PTPRD: variants seen among roughly 807,000 people sequenced by gnomAD.
PTPRD encodes protein tyrosine phosphatase receptor type D.
A neutral mutation model predicts 214.5 loss-of-function variants in PTPRD; 34 were observed. That is an observed-to-expected ratio of 0.16 (90% CI 0.12 to 0.21). The LOEUF is 0.21. PTPRD is among the 10% of genes least tolerant of loss of function. The pLI is 1.00. For synonymous variants in PTPRD, 1,128 were observed against 845.7 expected (o/e 1.33, Z -5.79); for missense variants, 2,545 against 2,398.7 (o/e 1.06, Z -1.27).
chr9:8,432,454 C>T (rs113453796), intron 35 of PTPRD, among the ~76,000 whole-genome samples: 2 of 152,108 alleles, frequency 1.3e-5, no homozygotes, highest in African/African-American at 2.4e-5. Context: ...GTATTCTGAC[C>T]TCAGGATCAG....
At chr9:8,626,279 G>A (rs963055488) in intron 14 of PTPRD, among the ~76,000 whole-genome samples, 1 of 151,778 alleles carries the variant, frequency 6.6e-6, no homozygotes, top group Admixed American at 6.6e-5. Context: ...TTTAAGTGAA[G>A]TATTTTAGTA....
intron 7 of PTPRD, among the ~76,000 whole-genome samples, chr9:9,633,115 T>C (rs989672938): frequency 6.6e-6 from 1 of 151,954 alleles, no homozygotes; most frequent in Non-Finnish European, 1.5e-5. Flanking sequence ...GCCAACATGG[T>C]GAAATCCTGT....
chr9:9,219,823 T>A (rs1231765504), intron 9 of PTPRD, among the ~76,000 whole-genome samples: 1 of 152,180 alleles, frequency 6.6e-6, no homozygotes, highest in Non-Finnish European at 1.5e-5. Flanking sequence ...AGCTGCATGT[T>A]CCCAGTTTTG....
At chr9:9,943,196 G>T (rs10491910) in intron 4 of PTPRD, among the ~76,000 whole-genome samples, 3,217 of 152,208 alleles carry the variant, frequency 0.021, 77 homozygotes, top group East Asian at 0.17. Context: ...CCTGGAACTT[G>T]TTAGATATCC....
rs1431806681 is a variant in PTPRD, at chr9:8,733,810, G to C, written c.34C>G (p.Leu12Val). The change falls in exon 12 of 46, where the codon CTC becomes GTC. Residue 12 changes from leucine (L) to valine (V), a missense_variant. Transcript: ENST00000381196. The part of the protein sequence containing the change: ...VHVARLLLLL[L>V]TFFLRTDAET... ...GCATCCGTGCGGAGGAAGAAAGTGA[G>C]GAGCAGCAGCAGCAGCCTGGCTACG... 3.9e-6 allele frequency: 6 copies of C among 1,553,084 alleles called. No individual in the cohort carries two copies. Among genetic ancestry groups the C allele is most frequent in the Non-Finnish European group, 4.4e-6 (5 of 1,147,748 alleles).
chr9:9,472,253 G>T lies in PTPRD; in HGVS notation c.-236-74771C>A, dbSNP rs553026145. 3.7e-3 allele frequency among the ~76,000 whole-genome samples: 524 copies of T among 141,862 alleles called. 2 individuals carry two copies. Among genetic ancestry groups the T allele is most frequent in the African/African-American group, 0.012 (474 of 37,944 alleles). 93.1% of individuals were successfully genotyped at this position (141,862 alleles called of 152,430 possible). ...GCTCTGTCGCCCAGGCCGGACTGCG[G>T]ACCGCAGTGGCGCAATCTCGGCTCA... On this transcript the variant is annotated intron_variant, in intron 8 of 45. Transcript: ENST00000381196.
chr9:10,487,374 C>A (rs752495660), intron 2 of PTPRD, among the ~76,000 whole-genome samples: 5 of 152,160 alleles, frequency 3.3e-5, no homozygotes, highest in Non-Finnish European at 5.9e-5. Context: ...TCTCTTCCTT[C>A]TTTCTTCCCT....
chr9:9,658,451 T>C (rs2096562162), intron 7 of PTPRD, among the ~76,000 whole-genome samples: 2 of 152,190 alleles, frequency 1.3e-5, no homozygotes, highest in Admixed American at 1.3e-4. Context: ...AGGAAAGATT[T>C]CCTTCTTTAC....
At chr9:9,598,382 C>T (rs1423195710) in intron 7 of PTPRD, among the ~76,000 whole-genome samples, 2 of 151,796 alleles carry the variant, frequency 1.3e-5, no homozygotes, top group Non-Finnish European at 2.9e-5. Flanking sequence ...GGAAATCCTG[C>T]CTTTACTATT....
chr9:8,919,810 ACATACATGCACC>A (rs1199501950), intron 11 of PTPRD, among the ~76,000 whole-genome samples: 3 of 133,672 alleles, frequency 2.2e-5, no homozygotes, highest in African/African-American at 7.5e-5. Flanking sequence ...ATGCAAGTGC[ACATACATGCACC>A]CATACATGCA....
chr9:9,215,266 C>G (rs556696485), intron 9 of PTPRD, among the ~76,000 whole-genome samples: 1 of 152,210 alleles, frequency 6.6e-6, no homozygotes, highest in South Asian at 2.1e-4. Context: ...AGTAGTTTAA[C>G]CCAGGTTATG....
chr9:9,381,676 G>GTT (rs78854339), intron 9 of PTPRD, among the ~76,000 whole-genome samples: 3,622 of 149,332 alleles, frequency 0.024, 129 homozygotes, highest in African/African-American at 0.076. Flanking sequence ...AAAAGTGTTT[G>GTT]TTTTTTTTTG....
At chr9:10,455,378 C>T (rs1219093686) in intron 2 of PTPRD, among the ~76,000 whole-genome samples, 3 of 151,726 alleles carry the variant, frequency 2.0e-5, no homozygotes, top group Non-Finnish European at 3.0e-5. Context: ...ACTTTACTGT[C>T]CTCTACTTGG....
chr9:8,505,546 C>T (rs1410469336), intron 22 of PTPRD, among the ~76,000 whole-genome samples: 1 of 145,108 alleles, frequency 6.9e-6, no homozygotes, highest in Non-Finnish European at 1.5e-5. Context: ...GGCGTGAACC[C>T]AGGAGGCAGA....
At chr9:10,089,149 G>C (rs2098398696) in intron 3 of PTPRD, among the ~76,000 whole-genome samples, 1 of 150,954 alleles carries the variant, frequency 6.6e-6, no homozygotes, top group African/African-American at 2.4e-5. Context: ...TGAGGTTGCA[G>C]TGAGCTATGA....
chr9:9,350,293 G>A (rs2050615511), intron 9 of PTPRD, among the ~76,000 whole-genome samples: 1 of 152,058 alleles, frequency 6.6e-6, no homozygotes, highest in South Asian at 2.1e-4. Flanking sequence ...AAGCAAATAA[G>A]CAGCCTAACT....
At chr9:10,504,676 T>C (rs1027783995) in intron 2 of PTPRD, among the ~76,000 whole-genome samples, 7 of 152,188 alleles carry the variant, frequency 4.6e-5, no homozygotes, top group African/African-American at 1.4e-4. Flanking sequence ...ATCAGCATTT[T>C]ATAGAGAAAG....
intron 12 of PTPRD, among the ~76,000 whole-genome samples, chr9:8,696,152 G>C (rs944510596): frequency 6.6e-6 from 1 of 152,112 alleles, no homozygotes; most frequent in Non-Finnish European, 1.5e-5. Flanking sequence ...CCACCTTCAC[G>C]TTATGTTTTT....
chr9:9,796,340 C>CA (rs377723888), intron 5 of PTPRD, among the ~76,000 whole-genome samples: 18 of 152,106 alleles, frequency 1.2e-4, no homozygotes, highest in African/African-American at 4.1e-4. Context: ...GAAAAGGATT[C>CA]AAGGTTTGCA....
Sources: gnomAD v4.1 joint callset for allele counts (sites outside exome capture counted in the v4.1 genomes callset) on GRCh38, gnomAD v4.1.1 for gene constraint, MANE v1.5 for transcripts, NCBI Gene and HGNC (gene_info 2026-07-23, HGNC 2026-07-21) for gene names.